Variants in CATSPER2 observed in about 807,000 individuals in gnomAD.
The protein encoded by CATSPER2 is cation channel sperm associated 2.
CATSPER2 carries 56 observed loss-of-function variants against 68.8 expected under a neutral mutation model. The observed-to-expected ratio is 0.81, with a 90% CI of 0.66 to 1.02. The LOEUF (loss-of-function observed/expected upper bound fraction) is 1.02. Among genes scored for constraint, CATSPER2 ranks in the 50% least tolerant of loss-of-function variants. The probability of loss-of-function intolerance (pLI) is 0.00; values close to 1 mark genes in which losing one functional copy is unlikely to be tolerated. For missense variants in CATSPER2, 582 were observed against 642.0 expected, an observed-to-expected ratio of 0.91 and a Z score of 1.01; for synonymous variants, 198 against 229.9, an observed-to-expected ratio of 0.86 and a Z score of 1.26.
chr15:43,632,451 T>G (rs2085891611), intron 11 of CATSPER2, 88 bp from the exon 12 acceptor site: 1 of 1,547,184 alleles, frequency 6.5e-7, no homozygotes, highest in Non-Finnish European at 8.8e-7. Flanking sequence ...GGTGGAAAGG[T>G]GGGGTGGAAA....
rs755024791 is a variant in CATSPER2, at chr15:43,647,136, A to T, written c.320-18T>A. The T allele has an allele frequency of 1.2e-6, 2 of 1,605,196 alleles. No individual in the cohort carries two copies. Among genetic ancestry groups the T allele is most frequent in the African/African-American group, 2.7e-5 (2 of 74,682 alleles). On this transcript the variant is annotated intron_variant, in intron 3 of 12. Transcript: ENST00000396879. ...GAGAGGACCTGTTGTCTCTTAAGGA[A>T]ATGTACAGAGTGGAGTTCTTTCTGA... is the stretch of plus-strand genomic sequence containing the variant.
Position 43,632,777 on chromosome 15 carries a change from C to A in CATSPER2, c.1336G>T (p.Val446Phe). The A allele has an allele frequency of 6.2e-7, 1 of 1,613,698 alleles. No individual in the cohort carries two copies. The highest frequency in any genetic ancestry group is 1.7e-5 in the Admixed American group (1 of 59,990). The stretch of plus-strand genomic sequence containing the variant: ...GAATAGGAAGAGGATGTGGAGGAGA[C>A]ACAGGAGGAAGACTGGTACTCTCTC... ...KKREYQSSSC[V>F]SSTSSSYSSS... The change falls in exon 11 of 13, where the codon GTC becomes TTC. Residue 446 changes from valine (V) to phenylalanine (F), a missense_variant. By Grantham distance (50) the Val-to-Phe change is conservative. Coordinates refer to ENST00000396879, the MANE Select transcript of CATSPER2 (RefSeq NM_172095.4).
At position 43,641,785 on chromosome 15, in the gene CATSPER2, G is replaced by A. The variant is rs546235081; in HGVS notation, c.389-1289C>T. On this transcript the variant is annotated intron_variant, in intron 4 of 12. Coordinates refer to ENST00000396879, the MANE Select transcript of CATSPER2 (RefSeq NM_172095.4). Reference sequence around the variant, plus strand: ...GTGCAGTTGCATAATCACGGTTCACGGAAGCCTGGCTCTTCCGGGCTCAAG... The same window carrying A: ...GTGCAGTTGCATAATCACGGTTCACAGAAGCCTGGCTCTTCCGGGCTCAAG... Among the ~76,000 whole-genome samples, 4 of 152,090 alleles carry A rather than the reference G, an allele frequency of 2.6e-5. No homozygotes were observed. In the South Asian group the frequency reaches 6.2e-4, roughly 24 times the overall value.
At position 43,647,433 on chromosome 15, in the gene CATSPER2, A is replaced by G; in HGVS notation, c.180T>C (p.Asp60=). 2 of 1,613,576 alleles carry G rather than the reference A, an allele frequency of 1.2e-6. No individual in the cohort carries two copies. The highest frequency in any genetic ancestry group is 1.7e-6 in the Non-Finnish European group (2 of 1,179,698). The change falls in exon 3 of 13, where the codon GAT becomes GAC. Residue 60 remains aspartate (D), a synonymous_variant. Coordinates refer to ENST00000396879, the MANE Select transcript of CATSPER2 (RefSeq NM_172095.4). ...TAGAGAAACGCACTAGCTGGTGTTG[A>G]TCTCCCAATACAAGTTTCTTCTGGC... ...PSRQKKLVLG[D]QHQLVRFSIK...
rs756665870 is a variant in CATSPER2 at position 43,647,930 on chromosome 15, G to T, written c.132C>A (p.Ile44=). The T allele has an allele frequency of 6.2e-7, 1 of 1,613,526 alleles. No individual in the cohort carries two copies. Among genetic ancestry groups the T allele is most frequent in the South Asian group, 1.1e-5 (1 of 91,030 alleles). The change falls in exon 2 of 13, where the codon ATC becomes ATA. Residue 44 remains isoleucine (I), a synonymous_variant. Coordinates refer to ENST00000396879, the MANE Select transcript of CATSPER2 (RefSeq NM_172095.4). Reference sequence around the variant, plus strand: ...TAGGCTGCTGACCAAGTAACTCCCTGATAGTGTGCCGCGGCACAGCTTGGC... The same window carrying T: ...TAGGCTGCTGACCAAGTAACTCCCTTATAGTGTGCCGCGGCACAGCTTGGC... ...GLSQAVPRHT[I]RELLDPSRQK... is the part of the protein sequence containing the mutation.
At chr15:43,642,968 A>T (rs2086098162) in intron 4 of CATSPER2, 1 of 152,056 alleles carries the variant, frequency 6.6e-6, no homozygotes, top group African/African-American at 2.4e-5. Context: ...AGCCCAGTGA[A>T]GTCTACCCAG....
At chr15:43,638,499 G>A (rs1028887985) in intron 7 of CATSPER2, among the ~76,000 whole-genome samples, 1 of 151,494 alleles carries the variant, frequency 6.6e-6, no homozygotes, top group African/African-American at 2.4e-5. Context: ...ATGTTGGCTA[G>A]GATGGTCTCG....
chr15:43,647,930 G>C lies in CATSPER2; in HGVS notation c.132C>G (p.Ile44Met), dbSNP rs756665870. 6.2e-6 allele frequency: 10 copies of C among 1,613,408 alleles called. No individual in the cohort carries two copies. Among genetic ancestry groups the C allele is most frequent in the Non-Finnish European group, 7.6e-6 (9 of 1,179,662 alleles). ...GLSQAVPRHT[I>M]RELLDPSRQK... ...TAGGCTGCTGACCAAGTAACTCCCT[G>C]ATAGTGTGCCGCGGCACAGCTTGGC... Residue 44 changes from isoleucine to methionine, a missense_variant, in exon 2 of 13, where the codon ATC becomes ATG. Coordinates refer to ENST00000396879, the MANE Select transcript of CATSPER2 (RefSeq NM_172095.4).
At chr15:43,638,460 TG>T (rs1466850611) in intron 7 of CATSPER2, among the ~76,000 whole-genome samples, 6 of 151,454 alleles carry the variant, frequency 4.0e-5, no homozygotes, top group Non-Finnish European at 7.4e-5. Flanking sequence ...GGCTAATTTT[TG>T]TATTTTTGGT....
intron 7 of CATSPER2, among the ~76,000 whole-genome samples, chr15:43,637,288 G>A (rs772403913): frequency 6.6e-6 from 1 of 151,616 alleles, no homozygotes; most frequent in Non-Finnish European, 1.5e-5. Flanking sequence ...CAAGCAAATG[G>A]GTATGTTACA....
intron 10 of CATSPER2, 191 bp from the exon 11 acceptor site, chr15:43,633,125 C>G: frequency 1.1e-6 from 1 of 894,420 alleles, no homozygotes; most frequent in Admixed American, 2.9e-5. Flanking sequence ...CTTCTCTCCC[C>G]TCCCATATCC....
At chr15:43,645,381 T>C (rs2141579832) in intron 4 of CATSPER2, among the ~76,000 whole-genome samples, 1 of 151,946 alleles carries the variant, frequency 6.6e-6, no homozygotes, top group East Asian at 1.9e-4. Flanking sequence ...GTAGGGGACT[T>C]GGAGCTAGAG....
At chr15:43,631,272 C>T (rs1434510187) in intron 12 of CATSPER2, among the ~76,000 whole-genome samples, 1 of 152,004 alleles carries the variant, frequency 6.6e-6, no homozygotes, top group Non-Finnish European at 1.5e-5. Flanking sequence ...CATTCTTTTG[C>T]CAGGCTGGAG....
At position 43,632,325 on chromosome 15, in the gene CATSPER2, G is replaced by A; in HGVS notation, c.1435C>T (p.Pro479Ser). 6.2e-7 allele frequency: 1 copy of A among 1,613,764 alleles called. No homozygotes were observed. The highest frequency in any genetic ancestry group is 8.5e-7 in the Non-Finnish European group (1 of 1,179,886). The stretch of plus-strand genomic sequence containing the variant: ...TCCTGATCCATTTCCATTAGCCCGG[G>A]CAGATTTTCGTGCACAAGAGTCTCC... ...DWETLVHENL[P>S]GLMEMDQDDR... Residue 479 changes from proline (P) to serine (S), a missense_variant, in exon 12 of 13, where the codon CCC becomes TCC. This residue lies in a region of CATSPER2 where 235 missense variants were observed against 264.2 expected (regional missense o/e 0.89). Coordinates refer to ENST00000396879, the MANE Select transcript of CATSPER2 (RefSeq NM_172095.4).
At chr15:43,635,657 A>G in intron 9 of CATSPER2, 70 bp downstream of exon 9, 1 of 1,429,592 alleles carries the variant, frequency 7.0e-7, no homozygotes, top group Non-Finnish European at 9.8e-7. Context: ...GGGGTCGAGA[A>G]GTAGAAACAA....
chr15:43,645,927 T>G (rs747756169), intron 4 of CATSPER2, among the ~76,000 whole-genome samples: 20 of 152,044 alleles, frequency 1.3e-4, no homozygotes, highest in Non-Finnish European at 2.2e-4. Context: ...ATGTTTTGAA[T>G]GTATTTCATA....
chr15:43,630,502 C>G lies in CATSPER2; in HGVS notation c.*199G>C. 8.5e-7 allele frequency: 1 copy of G among 1,177,314 alleles called. No individual in the cohort carries two copies. Among genetic ancestry groups the G allele is most frequent in the Non-Finnish European group, 1.2e-6 (1 of 844,844 alleles). 72.9% of individuals were successfully genotyped at this position (1,177,314 alleles called of 1,614,324 possible). A position where few individuals can be genotyped will look rare whatever the true frequency, so the allele number is the denominator to read the frequency against. On this transcript the variant is annotated 3_prime_UTR_variant, in exon 13 of 13. Transcript: ENST00000396879. ...CCCAAGTAGCTATGATTACAAGCAT[C>G]TGCCACCACACCCAGCTAATTTTTT...
In CATSPER2 at chr15:43,636,037, T is replaced by G; in HGVS notation, c.1021+4A>C. ...CAAACAAGTTTCACCTCCTCTATGC[T>G]TACCCATCATGGCTACTATGATACT... On this transcript the variant is annotated splice_donor_region_variant and intron_variant, in intron 8 of 12. Coordinates refer to ENST00000396879, the MANE Select transcript of CATSPER2 (RefSeq NM_172095.4). The G allele has an allele frequency of 6.5e-7, 1 of 1,541,916 alleles. No homozygotes were observed. The highest frequency in any genetic ancestry group is 8.9e-7 in the Non-Finnish European group (1 of 1,119,164).
chr15:43,632,144 C>A, intron 12 of CATSPER2, 55 bp downstream of exon 12: 1 of 1,574,978 alleles, frequency 6.3e-7, no homozygotes, highest in Non-Finnish European at 8.7e-7. Context: ...TTCTCCACAG[C>A]TATAAACGCT....
Sources: allele counts gnomAD v4.1 joint callset (sites outside exome capture counted in the v4.1 genomes callset), GRCh38; gene constraint gnomAD v4.1.1; regional missense constraint gnomAD v4.1.1; transcripts MANE v1.5; gene names NCBI Gene and HGNC (gene_info 2026-07-23, HGNC 2026-07-21).